The following TUT7 variants were observed in gnomAD, a reference collection of about 807,000 sequenced individuals.
The protein encoded by TUT7 is terminal uridylyl transferase 7.
A neutral mutation model predicts 165.9 loss-of-function variants in TUT7; 33 were observed. The observed-to-expected ratio is 0.20, with a 90% CI of 0.15 to 0.27. The LOEUF (loss-of-function observed/expected upper bound fraction) is 0.27. Ranked by LOEUF, TUT7 falls within the 10% of genes least tolerant of loss-of-function variation. TUT7 has a pLI of 1.00. For synonymous variants in TUT7, 552 were observed against 608.1 expected (o/e 0.91, Z 1.36); for missense variants, 1,338 against 1,762.3 (o/e 0.76, Z 4.31).
At chr9:86,353,279 A>T in intron 1 of TUT7, 49 bp from the exon 2 acceptor site, 6 of 1,395,612 alleles carry the variant, frequency 4.3e-6, no homozygotes, top group Non-Finnish European at 5.7e-6. Context: ...ACAAGATATC[A>T]TACAAGTATA....
chr9:86,289,043 T>C (rs550802697), intron 26 of TUT7, among the ~76,000 whole-genome samples: 10 of 152,342 alleles, frequency 6.6e-5, no homozygotes, highest in Non-Finnish European at 1.2e-4. Context: ...AACTTAAGGT[T>C]CTGCCTTGTA....
intron 26 of TUT7, among the ~76,000 whole-genome samples, chr9:86,297,829 G>A (rs775762194): frequency 1.1e-4 from 17 of 151,408 alleles, no homozygotes; most frequent in African/African-American, 3.6e-4. Flanking sequence ...CAACAAAAAC[G>A]GTACCTACCA....
intron 26 of TUT7, among the ~76,000 whole-genome samples, chr9:86,295,421 A>G (rs1300104062): frequency 6.6e-6 from 1 of 152,276 alleles, no homozygotes; most frequent in African/African-American, 2.4e-5. Context: ...ATGTACAAGG[A>G]AATATATGGA....
chr9:86,333,842 T>C (rs1429811250), intron 10 of TUT7, among the ~76,000 whole-genome samples: 3 of 152,200 alleles, frequency 2.0e-5, no homozygotes, highest in Non-Finnish European at 4.4e-5. Context: ...TTTATGTTTA[T>C]CTGGCTAGGA....
rs187139618 is a variant in TUT7, at chr9:86,322,658, T to C, written c.2878-183A>G. Among the ~76,000 whole-genome samples, 156 of 152,318 alleles carry C rather than the reference T, an allele frequency of 1.0e-3. 1 individual carries two copies. The highest frequency in any genetic ancestry group is 2.4e-3 in the Admixed American group (36 of 15,298). ...ATCCTATAGTATCATTAGGAGAACA[T>C]AGTGGCTATTTTCACTACTAATAGC... On this transcript the variant is annotated intron_variant, in intron 13 of 26. Transcript: ENST00000375963.
At chr9:86,334,813 C>T (rs1354378634) in intron 10 of TUT7, among the ~76,000 whole-genome samples, 2 of 152,158 alleles carry the variant, frequency 1.3e-5, no homozygotes, top group South Asian at 2.1e-4. Flanking sequence ...CTTCTGGTGG[C>T]CCTGGTTCCT....
intron 26 of TUT7, among the ~76,000 whole-genome samples, chr9:86,299,286 T>C (rs868712838): frequency 6.6e-6 from 1 of 152,172 alleles, no homozygotes; most frequent in Non-Finnish European, 1.5e-5. Context: ...AAAAAGAAAT[T>C]AGCACTTTTT....
chr9:86,333,841 A>T (rs571793960), intron 10 of TUT7, among the ~76,000 whole-genome samples: 19 of 152,242 alleles, frequency 1.2e-4, no homozygotes, highest in Admixed American at 5.2e-4. Context: ...TTTTATGTTT[A>T]TCTGGCTAGG....
chr9:86,326,608 C>A (rs908173416), intron 11 of TUT7: 1 of 154,364 alleles, frequency 6.5e-6, no homozygotes, highest in Non-Finnish European at 1.5e-5. Context: ...ACAAGAAATC[C>A]ATATATCACT....
At chr9:86,353,260 A>C (rs1193221433) in intron 1 of TUT7, 30 bp from the exon 2 acceptor site, 1 of 1,479,868 alleles carries the variant, frequency 6.8e-7, no homozygotes. Context: ...GGAAATATCA[A>C]ACTATATAAC....
At chr9:86,325,684 A>G (rs1409635168) in intron 11 of TUT7, among the ~76,000 whole-genome samples, 170 bp from the exon 12 acceptor site, 2 of 152,264 alleles carry the variant, frequency 1.3e-5, no homozygotes. Context: ...GTTTGTGGTA[A>G]AACAGCATTA....
chr9:86,351,699 C>T (rs974518550), intron 2 of TUT7, among the ~76,000 whole-genome samples: 5 of 152,084 alleles, frequency 3.3e-5, no homozygotes, highest in South Asian at 2.1e-4. Flanking sequence ...GAAAAGGCAT[C>T]GGGTGATCTA....
At chr9:86,298,591 G>C (rs7025888) in intron 26 of TUT7, among the ~76,000 whole-genome samples, 46,385 of 151,998 alleles carry the variant, frequency 0.31, 8,295 homozygotes, top group East Asian at 0.49. Context: ...TGAAGAATTA[G>C]CTTTAGGAAA....
intron 2 of TUT7, among the ~76,000 whole-genome samples, chr9:86,348,494 GTAATTCC>G (rs1489637007): frequency 6.6e-6 from 1 of 152,136 alleles, no homozygotes; most frequent in Non-Finnish European, 1.5e-5. Flanking sequence ...GGTCATGCCT[GTAATTCC>G]CAGCACTTTG....
intron 2 of TUT7, among the ~76,000 whole-genome samples, chr9:86,347,182 T>G (rs1318482541): frequency 1.3e-5 from 2 of 152,308 alleles, no homozygotes; most frequent in South Asian, 4.1e-4. Flanking sequence ...ACTGAGCATA[T>G]TTCAAAGGAA....
chr9:86,317,215 G>C lies in TUT7; in HGVS notation c.3274+4C>G. ...ATATTTTTAGAAAAAGTTTACAGAG[G>C]TACCTGAATGTTTTCTGAGGACTCT... On this transcript the variant is annotated splice_donor_region_variant and intron_variant, in intron 17 of 26. Coordinates refer to ENST00000375963, the MANE Select transcript of TUT7 (RefSeq NM_024617.4). 1 of 1,612,198 alleles carries C rather than the reference G, an allele frequency of 6.2e-7. No individual in the cohort carries two copies. Among genetic ancestry groups the C allele is most frequent in the South Asian group, 1.1e-5 (1 of 91,016 alleles).
intron 2 of TUT7, among the ~76,000 whole-genome samples, chr9:86,348,666 C>T (rs1831989598): frequency 6.6e-6 from 1 of 152,020 alleles, no homozygotes; most frequent in South Asian, 2.1e-4. Flanking sequence ...GACGGAAGGA[C>T]TGCTTAAGCC....
intron 26 of TUT7, chr9:86,298,660 C>G: frequency 2.3e-6 from 1 of 426,576 alleles, no homozygotes; most frequent in Non-Finnish European, 3.1e-6. Context: ...TTCTGATGTC[C>G]AATCCCTGTT....
At chr9:86,341,179 G>T (rs1831289180) in intron 6 of TUT7, 126 bp from the exon 7 acceptor site, 1 of 759,104 alleles carries the variant, frequency 1.3e-6, no homozygotes, top group African/African-American at 1.8e-5. Flanking sequence ...TCAAAGTAAA[G>T]AAATTACTCA....
Sources: gnomAD v4.1 joint callset for allele counts (sites outside exome capture counted in the v4.1 genomes callset) on GRCh38, gnomAD v4.1.1 for gene constraint, MANE v1.5 for transcripts, NCBI Gene and HGNC (gene_info 2026-07-23, HGNC 2026-07-21) for gene names.